The following PDE11A variants were observed in gnomAD, a reference collection of about 807,000 sequenced individuals.
The protein encoded by PDE11A is dual 3',5'-cyclic-AMP and -GMP phosphodiesterase 11A.
PDE11A carries 100 observed loss-of-function variants against 100.5 expected under a neutral mutation model. The ratio of observed to expected loss-of-function variants is 1.00; its 90% confidence interval spans 0.85 to 1.18. The LOEUF (loss-of-function observed/expected upper bound fraction) is 1.18. Among genes scored for constraint, PDE11A ranks in the 50% most tolerant of loss-of-function variants. PDE11A has a pLI of 0.00. For synonymous variants in PDE11A, 381 were observed against 420.8 expected (o/e 0.91, Z 1.16); for missense variants, 1,141 against 1,152.6 (o/e 0.99, Z 0.15).
intron 7 of PDE11A, among the ~76,000 whole-genome samples, chr2:177,818,351 G>T (rs2083078461): frequency 6.6e-6 from 1 of 150,776 alleles, no homozygotes; most frequent in African/African-American, 2.4e-5. Flanking sequence ...CACAATACTT[G>T]AAAGAGGCAG....
At chr2:177,986,619 C>A (rs1370584065) in intron 2 of PDE11A, among the ~76,000 whole-genome samples, 1 of 152,022 alleles carries the variant, frequency 6.6e-6, no homozygotes, top group Admixed American at 6.6e-5. Context: ...ATCACGAGGT[C>A]AAGAGTTTGA....
chr2:178,069,110 T>A (rs1165194805), intron 1 of PDE11A, among the ~76,000 whole-genome samples: 2 of 152,186 alleles, frequency 1.3e-5, no homozygotes, highest in African/African-American at 4.8e-5. Context: ...CTAGGTATCA[T>A]CATTATCTTC....
At chr2:177,734,027 A>G (rs1000486392) in intron 10 of PDE11A, among the ~76,000 whole-genome samples, 2 of 152,238 alleles carry the variant, frequency 1.3e-5, no homozygotes, top group Non-Finnish European at 2.9e-5. Context: ...AAATGGGCCT[A>G]TGCCAAGCGA....
chr2:178,041,493 C>T (rs2086682973), intron 1 of PDE11A, among the ~76,000 whole-genome samples: 1 of 152,112 alleles, frequency 6.6e-6, no homozygotes. Flanking sequence ...CCGCCCGCCT[C>T]AGCCTCCAAG....
intron 9 of PDE11A, among the ~76,000 whole-genome samples, chr2:177,772,550 A>G (rs1391139162): frequency 6.6e-6 from 1 of 152,096 alleles, no homozygotes; most frequent in Admixed American, 6.6e-5. Context: ...CTGTCATTTT[A>G]TTAGAATTTC....
chr2:177,987,129 C>T lies in PDE11A; in HGVS notation c.1071+27173G>A, dbSNP rs550970037. 9.9e-5 allele frequency among the ~76,000 whole-genome samples: 15 copies of T among 151,986 alleles called. 1 individual carries two copies. Among genetic ancestry groups the T allele is most frequent in the African/African-American group, 3.4e-4 (14 of 41,454 alleles). ...AAGACCATGTCCCCCAAATATGTCC[C>T]CCACCAGCCTGCAGTGCTATAGCCA... On this transcript the variant is annotated intron_variant, in intron 2 of 19. Transcript: ENST00000286063.
intron 2 of PDE11A, among the ~76,000 whole-genome samples, chr2:177,928,019 G>A (rs1161067161): frequency 1.6e-4 from 24 of 149,166 alleles, no homozygotes; most frequent in Admixed American, 4.1e-4. Flanking sequence ...CAAGAGAATC[G>A]CTTGAACCTG....
At chr2:178,015,729 G>A (rs1242039905) in intron 1 of PDE11A, among the ~76,000 whole-genome samples, 2 of 152,068 alleles carry the variant, frequency 1.3e-5, no homozygotes, top group Non-Finnish European at 2.9e-5. Context: ...CACTTTCAAG[G>A]AAGGAACGAA....
intron 4 of PDE11A, among the ~76,000 whole-genome samples, chr2:177,876,879 A>G (rs2084249466): frequency 6.8e-6 from 1 of 148,088 alleles, no homozygotes; most frequent in African/African-American, 2.6e-5. Flanking sequence ...AAATAAACTG[A>G]CAATAGACAG....
intron 19 of PDE11A, among the ~76,000 whole-genome samples, chr2:177,634,387 TC>T (rs56376552): frequency 0.66 from 88,433 of 134,210 alleles, 29,646 homozygotes; most frequent in East Asian, 0.87. Flanking sequence ...TTTTTCTCTC[TC>T]TCTTTTTTTT....
chr2:178,002,116 T>C (rs2086152226), intron 2 of PDE11A, among the ~76,000 whole-genome samples: 2 of 152,202 alleles, frequency 1.3e-5, no homozygotes, highest in Non-Finnish European at 2.9e-5. Flanking sequence ...GTCATTTTTA[T>C]GTCCATGATC....
At chr2:177,759,695 G>T (rs972867618) in intron 10 of PDE11A, among the ~76,000 whole-genome samples, 1 of 152,156 alleles carries the variant, frequency 6.6e-6, no homozygotes, top group African/African-American at 2.4e-5. Context: ...CTCTTGCTAA[G>T]AATGATGCAA....
chr2:177,790,659 C>A (rs1394286170), intron 9 of PDE11A, among the ~76,000 whole-genome samples: 1 of 152,126 alleles, frequency 6.6e-6, no homozygotes. Flanking sequence ...GGGCTAATAT[C>A]CAGAATCTAC....
intron 17 of PDE11A, among the ~76,000 whole-genome samples, chr2:177,673,372 C>T (rs2080715646): frequency 6.6e-6 from 1 of 152,148 alleles, no homozygotes; most frequent in South Asian, 2.1e-4. Flanking sequence ...GAAAAAGGAA[C>T]CAGAGAACAT....
Position 177,890,683 on chromosome 2 carries a change from AC to A in PDE11A, c.1302+7374del, listed in dbSNP as rs201423927. On this transcript the variant is annotated intron_variant, in intron 4 of 19. Transcript: ENST00000286063. The stretch of plus-strand genomic sequence containing the variant: ...CATTTAGCAAATCCTCTCTCCTGAC[AC>A]CCTGACTTTTAAGTTTGTTCTCTTG... Among the ~76,000 whole-genome samples the A allele has an allele frequency of 9.7e-3, 1,478 of 152,148 alleles. 23 individuals are homozygous for A. Among genetic ancestry groups the A allele is most frequent in the African/African-American group, 0.034 (1,402 of 41,488 alleles).
At chr2:178,044,706 C>A (rs1185890817) in intron 1 of PDE11A, among the ~76,000 whole-genome samples, 1 of 152,052 alleles carries the variant, frequency 6.6e-6, no homozygotes, top group South Asian at 2.1e-4. Context: ...ACCTTTCAGA[C>A]AGCAAGGATT....
upstream of PDE11A, among the ~76,000 whole-genome samples, chr2:178,076,172 T>C (rs1401211226): frequency 6.6e-6 from 1 of 152,168 alleles, no homozygotes; most frequent in Non-Finnish European, 1.5e-5. Flanking sequence ...AGGAAGAGGC[T>C]CTGCAGGCTC....
At chr2:177,694,544 A>G (rs1213068887) in intron 15 of PDE11A, among the ~76,000 whole-genome samples, 1 of 152,230 alleles carries the variant, frequency 6.6e-6, no homozygotes, top group Non-Finnish European at 1.5e-5. Flanking sequence ...AAGACATGAC[A>G]TAGGTACTGT....
chr2:177,784,755 C>A (rs890646319), intron 9 of PDE11A, among the ~76,000 whole-genome samples: 1 of 152,184 alleles, frequency 6.6e-6, no homozygotes, highest in Non-Finnish European at 1.5e-5. Context: ...CCTGTGACAT[C>A]TTTGGCTTAT....
Sources: allele counts gnomAD v4.1 joint callset (sites outside exome capture counted in the v4.1 genomes callset), GRCh38; gene constraint gnomAD v4.1.1; transcripts MANE v1.5; gene names NCBI Gene and HGNC (gene_info 2026-07-23, HGNC 2026-07-21).